Variants in FLT1 observed in about 807,000 individuals in gnomAD.
FLT1 encodes vascular endothelial growth factor receptor 1.
FLT1 carries 49 observed loss-of-function variants against 156.3 expected under a neutral mutation model. The ratio of observed to expected loss-of-function variants is 0.31; its 90% confidence interval spans 0.25 to 0.40. The LOEUF (loss-of-function observed/expected upper bound fraction) is 0.40, where lower values mean the gene tolerates loss of function less well. Among genes scored for constraint, FLT1 ranks in the 10% least tolerant of loss-of-function variants. FLT1 has a pLI of 1.00. For missense variants in FLT1, 1,322 were observed against 1,637.2 expected, an observed-to-expected ratio of 0.81 and a Z score of 3.32; for synonymous variants, 594 against 583.8, an observed-to-expected ratio of 1.02 and a Z score of -0.25.
chr13:28,492,823 G>A (rs1881541879), intron 1 of FLT1, among the ~76,000 whole-genome samples: 1 of 152,134 alleles, frequency 6.6e-6, no homozygotes, highest in Non-Finnish European at 1.5e-5. Context: ...GAAACTATGA[G>A]TTTTCAAAAG....
At chr13:28,408,396 A>T (rs745573406) in intron 10 of FLT1, among the ~76,000 whole-genome samples, 2 of 152,186 alleles carry the variant, frequency 1.3e-5, no homozygotes, top group Non-Finnish European at 2.9e-5. Context: ...CTTCCACATA[A>T]AAAGGACAGA....
chr13:28,355,875 G>T (rs1872879833), intron 15 of FLT1, among the ~76,000 whole-genome samples: 1 of 152,206 alleles, frequency 6.6e-6, no homozygotes, highest in Non-Finnish European at 1.5e-5. Context: ...GAAACTCACA[G>T]ATGTCGTAAA....
At chr13:28,370,447 C>A (rs1212129949) in intron 14 of FLT1, among the ~76,000 whole-genome samples, 1 of 151,912 alleles carries the variant, frequency 6.6e-6, no homozygotes, top group African/African-American at 2.4e-5. Flanking sequence ...GCACATGTAC[C>A]CTAAAACTTA....
chr13:28,317,485 AC>A lies in FLT1; in HGVS notation c.3386+12del. ...AGCTGTCAGATGGGGAGCAGAGGGC[AC>A]CAAGGGCTCACATTTCAGGAGTAGA... On this transcript the variant is annotated intron_variant, in intron 25 of 29. Transcript: ENST00000282397. 1.9e-6 allele frequency: 3 copies of A among 1,572,500 alleles called. No homozygotes were observed. In the Admixed American group the frequency reaches 5.0e-5, roughly 26 times the overall value.
intron 10 of FLT1, among the ~76,000 whole-genome samples, chr13:28,407,361 A>G (rs1875873882): frequency 7.1e-6 from 1 of 140,178 alleles, no homozygotes; most frequent in African/African-American, 2.5e-5. Context: ...CATTGGTTTC[A>G]TCTACCCCTT....
At chr13:28,370,761 G>A (rs989122428) in intron 14 of FLT1, among the ~76,000 whole-genome samples, 7 of 152,054 alleles carry the variant, frequency 4.6e-5, no homozygotes, top group African/African-American at 7.2e-5. Flanking sequence ...AAGTTTGTGC[G>A]CACACCCACA....
chr13:28,381,537 C>T lies in FLT1; in HGVS notation c.2116+3348G>A, dbSNP rs1451274040. The stretch of plus-strand genomic sequence containing the variant: ...TCATGCCACTGCACTCCAGCCTGGG[C>T]GACAGAGCAAGACTCCATCTCAAAA... On this transcript the variant is annotated intron_variant, in intron 14 of 29. Transcript: ENST00000282397. Among the ~76,000 whole-genome samples, 6 of 152,152 alleles carry T rather than the reference C, an allele frequency of 3.9e-5. No individual in the cohort carries two copies. The Middle Eastern group carries it at 0.01, about 259-fold the overall frequency.
At chr13:28,475,314 C>G (rs1434389819) in intron 1 of FLT1, among the ~76,000 whole-genome samples, 3 of 152,024 alleles carry the variant, frequency 2.0e-5, no homozygotes, top group African/African-American at 7.2e-5. Context: ...TAACTTAAAG[C>G]TCTGTATATT....
At chr13:28,395,069 G>C (rs1035554843) in intron 12 of FLT1, among the ~76,000 whole-genome samples, 5 of 152,160 alleles carry the variant, frequency 3.3e-5, no homozygotes, top group African/African-American at 1.2e-4. Flanking sequence ...TAGTTTTTCT[G>C]CACGGCCAGG....
chr13:28,306,831 G>A, intron 28 of FLT1, 59 bp from the exon 29 acceptor site: 1 of 1,096,292 alleles, frequency 9.1e-7, no homozygotes, highest in Non-Finnish European at 1.4e-6. Flanking sequence ...TCCATGCTGA[G>A]CCTGAGGGAT....
At chr13:28,407,382 T>C (rs1243467802) in intron 10 of FLT1, among the ~76,000 whole-genome samples, 1 of 152,126 alleles carries the variant, frequency 6.6e-6, no homozygotes, top group African/African-American at 2.4e-5. Flanking sequence ...TTTTTTCTTC[T>C]GTATTTTATT....
At chr13:28,388,562 G>T (rs1037942844) in intron 13 of FLT1, 1 of 1,048,832 alleles carries the variant, frequency 9.5e-7, no homozygotes, top group Admixed American at 5.5e-5. Flanking sequence ...TCCCTCAAAC[G>T]CAAGCTTAAA....
intron 29 of FLT1, 131 bp from the exon 30 acceptor site, chr13:28,303,499 C>CCG (rs1555297833): frequency 8.9e-6 from 7 of 790,110 alleles, no homozygotes; most frequent in Admixed American, 2.1e-5. Flanking sequence ...GGAACCCCCC[C>CCG]CCCCTCAATT....
chr13:28,387,684 T>G (rs1874442688), intron 13 of FLT1: 1 of 1,063,632 alleles, frequency 9.4e-7, no homozygotes. Context: ...TATTCCCCAT[T>G]TTAGGCTCCT....
chr13:28,388,914 G>A, intron 13 of FLT1: 1 of 1,057,654 alleles, frequency 9.5e-7, no homozygotes, highest in Non-Finnish European at 1.1e-6. Context: ...GCCATCAATA[G>A]CTGTGTGGTG....
At chr13:28,384,260 C>T (rs1041103147) in intron 14 of FLT1, among the ~76,000 whole-genome samples, 3 of 151,974 alleles carry the variant, frequency 2.0e-5, no homozygotes, top group Admixed American at 2.0e-4. Flanking sequence ...ATGGTGAAAC[C>T]TTGTCTCTAT....
intron 1 of FLT1, among the ~76,000 whole-genome samples, chr13:28,471,661 G>T (rs1339747890): frequency 6.6e-6 from 1 of 152,122 alleles, no homozygotes; most frequent in African/African-American, 2.4e-5. Flanking sequence ...AAACCTACAG[G>T]CTATTTCATT....
At position 28,494,911 on chromosome 13, in the gene FLT1, G is replaced by C; in HGVS notation, c.-68C>G. 1 of 1,328,122 alleles carries C rather than the reference G, an allele frequency of 7.5e-7. No homozygotes were observed. Among genetic ancestry groups the C allele is most frequent in the Non-Finnish European group, 1.0e-6 (1 of 983,272 alleles). The allele number at this position is 1,328,122 out of a possible 1,614,324, so 82.3% of individuals were successfully genotyped here. ...CGCGGCCAACGACCCGGCCGCCAGA[G>C]TCCGTCCTCTCGTTCGCCGCCGCCG... is the stretch of plus-strand genomic sequence containing the variant. On this transcript the variant is annotated 5_prime_UTR_variant, in exon 1 of 30. Coordinates refer to ENST00000282397, the MANE Select transcript of FLT1 (RefSeq NM_002019.4).
At chr13:28,448,736 G>C (rs549115997) in intron 3 of FLT1, among the ~76,000 whole-genome samples, 1 of 152,124 alleles carries the variant, frequency 6.6e-6, no homozygotes, top group South Asian at 2.1e-4. Flanking sequence ...TTTTAAATGG[G>C]TGTGGTATGT....
Sources: allele counts gnomAD v4.1 joint callset (sites outside exome capture counted in the v4.1 genomes callset), GRCh38; gene constraint gnomAD v4.1.1; transcripts MANE v1.5; gene names NCBI Gene and HGNC (gene_info 2026-07-23, HGNC 2026-07-21).